The following PDE7B variants were observed in gnomAD, a reference collection of about 807,000 sequenced individuals.
PDE7B encodes phosphodiesterase 7B.
PDE7B carries 29 observed loss-of-function variants against 56.2 expected under a neutral mutation model. That is an observed-to-expected ratio of 0.52 (90% CI 0.38 to 0.70). The LOEUF is 0.70. Ranked by LOEUF, PDE7B falls within the 30% of genes least tolerant of loss-of-function variation. The pLI is 0.00. For missense variants in PDE7B, 490 were observed against 565.0 expected, an observed-to-expected ratio of 0.87 and a Z score of 1.35; for synonymous variants, 197 against 196.9, an observed-to-expected ratio of 1.00 and a Z score of 0.00.
chr6:136,070,684 CTCATT>C (rs1326099606), intron 2 of PDE7B, among the ~76,000 whole-genome samples: 1 of 152,124 alleles, frequency 6.6e-6, no homozygotes, highest in African/African-American at 2.4e-5. Context: ...AAAACACACT[CTCATT>C]TAGAATGGCA....
intron 2 of PDE7B, among the ~76,000 whole-genome samples, chr6:136,024,669 T>C (rs948452910): frequency 6.6e-6 from 1 of 152,158 alleles, no homozygotes; most frequent in Non-Finnish European, 1.5e-5. Flanking sequence ...GAGATGCTTG[T>C]CATGTATGCT....
At chr6:136,039,667 A>G (rs1290828220) in intron 2 of PDE7B, among the ~76,000 whole-genome samples, 1 of 152,246 alleles carries the variant, frequency 6.6e-6, no homozygotes, top group Non-Finnish European at 1.5e-5. Context: ...GTTGGTCTCC[A>G]GTAAACAATG....
chr6:135,981,037 AT>A (rs1360276475), intron 2 of PDE7B, among the ~76,000 whole-genome samples: 2 of 148,862 alleles, frequency 1.3e-5, no homozygotes, highest in Non-Finnish European at 3.0e-5. Flanking sequence ...ACCAACCCAA[AT>A]GTCCAACAAT....
intron 2 of PDE7B, among the ~76,000 whole-genome samples, chr6:136,048,105 CAGACAGAT>C (rs1051600604): frequency 6.0e-5 from 9 of 150,950 alleles, no homozygotes; most frequent in South Asian, 2.1e-4. Flanking sequence ...GACAGACAGA[CAGACAGAT>C]AGATAGATGT....
At chr6:136,128,933 C>A (rs543676131) in intron 3 of PDE7B, among the ~76,000 whole-genome samples, 1 of 152,288 alleles carries the variant, frequency 6.6e-6, no homozygotes, top group Admixed American at 6.5e-5. Flanking sequence ...TGAGATAGAA[C>A]CCCAAGCTTT....
chr6:136,118,682 A>G (rs1777878153), intron 3 of PDE7B, among the ~76,000 whole-genome samples: 1 of 152,230 alleles, frequency 6.6e-6, no homozygotes, highest in South Asian at 2.1e-4. Flanking sequence ...TATGAATTTT[A>G]ATATTCAAAG....
At chr6:136,105,320 C>T (rs948551366) in intron 2 of PDE7B, among the ~76,000 whole-genome samples, 1 of 152,164 alleles carries the variant, frequency 6.6e-6, no homozygotes, top group Non-Finnish European at 1.5e-5. Flanking sequence ...TTAATGCTGA[C>T]CTGTTTAACC....
intron 1 of PDE7B, among the ~76,000 whole-genome samples, chr6:135,919,010 A>G (rs1774012833): frequency 6.6e-6 from 1 of 152,240 alleles, no homozygotes; most frequent in African/African-American, 2.4e-5. Flanking sequence ...CCAAATTATT[A>G]TTCCTAATAA....
intron 2 of PDE7B, chr6:136,037,570 G>A (rs1023371916): frequency 1.4e-5 from 14 of 985,356 alleles, no homozygotes; most frequent in Non-Finnish European, 1.7e-5. Flanking sequence ...GCCCTCCAGA[G>A]AGAAGCAGCT....
chr6:135,946,564 T>C (rs1376315350), intron 1 of PDE7B, among the ~76,000 whole-genome samples: 2 of 152,132 alleles, frequency 1.3e-5, no homozygotes, highest in African/African-American at 4.8e-5. Context: ...TTGAAAACAC[T>C]TGTTATTGCC....
At chr6:135,863,692 A>AT (rs200974005) in intron 1 of PDE7B, among the ~76,000 whole-genome samples, 15,019 of 138,586 alleles carry the variant, frequency 0.11, 1,195 homozygotes, top group African/African-American at 0.21. Flanking sequence ...ATCCCTTCCA[A>AT]TTTTTTTTTT....
intron 2 of PDE7B, chr6:136,034,235 G>A (rs914217682): frequency 7.2e-5 from 11 of 151,974 alleles, no homozygotes; most frequent in African/African-American, 2.4e-4. Flanking sequence ...ATGCTTATCT[G>A]CCTAGTGACT....
intron 2 of PDE7B, among the ~76,000 whole-genome samples, chr6:136,029,673 C>A (rs1280547997): frequency 6.6e-6 from 1 of 151,706 alleles, no homozygotes; most frequent in African/African-American, 2.4e-5. Context: ...AAGTAATTTT[C>A]AAAATAGAAG....
At chr6:135,925,344 A>T (rs899275085) in intron 1 of PDE7B, among the ~76,000 whole-genome samples, 8 of 152,122 alleles carry the variant, frequency 5.3e-5, no homozygotes, top group African/African-American at 1.7e-4. Context: ...CAAAAAGGGC[A>T]TACCTCACTC....
intron 1 of PDE7B, among the ~76,000 whole-genome samples, chr6:135,887,608 T>C (rs1037815231): frequency 1.3e-5 from 2 of 152,158 alleles, no homozygotes; most frequent in South Asian, 4.1e-4. Flanking sequence ...TCAAAATTAT[T>C]AAGCAAAGAT....
chr6:136,147,925 G>T (rs1778443381), intron 4 of PDE7B, among the ~76,000 whole-genome samples: 1 of 151,792 alleles, frequency 6.6e-6, no homozygotes, highest in African/African-American at 2.4e-5. Context: ...TCTACTTTAG[G>T]CTATTGATGC....
intron 3 of PDE7B, among the ~76,000 whole-genome samples, chr6:136,120,831 C>G (rs532873927): frequency 1.3e-5 from 2 of 152,200 alleles, no homozygotes; most frequent in East Asian, 3.9e-4. Context: ...AGTGTGGTCG[C>G]CTGGCTCAGC....
At chr6:136,166,906 A>G (rs1778802536) in intron 8 of PDE7B, among the ~76,000 whole-genome samples, 1 of 152,162 alleles carries the variant, frequency 6.6e-6, no homozygotes. Flanking sequence ...CAAAGTAAAA[A>G]CCAAAATGTT....
chr6:136,141,178 G>A (rs896912027), intron 3 of PDE7B, among the ~76,000 whole-genome samples: 11 of 152,130 alleles, frequency 7.2e-5, no homozygotes, highest in African/African-American at 2.4e-4. Context: ...AGCATGAAGG[G>A]TTGTTGAATT....
Sources: gnomAD v4.1 joint callset for allele counts (sites outside exome capture counted in the v4.1 genomes callset) on GRCh38, gnomAD v4.1.1 for gene constraint, MANE v1.5 for transcripts, NCBI Gene and HGNC (gene_info 2026-07-23, HGNC 2026-07-21) for gene names.